The following RALGAPA1 variants were observed in gnomAD, a reference collection of about 807,000 sequenced individuals.
The protein encoded by RALGAPA1 is Ral GTPase activating protein catalytic subunit alpha 1.
RALGAPA1 carries 52 observed loss-of-function variants against 269.6 expected under a neutral mutation model. The observed-to-expected ratio is 0.19, with a 90% confidence interval of 0.15 to 0.24. The LOEUF (loss-of-function observed/expected upper bound fraction) is 0.24. Ranked by LOEUF, RALGAPA1 falls within the 10% of genes least tolerant of loss-of-function variation. The probability of loss-of-function intolerance (pLI) is 1.00; values close to 1 mark genes in which losing one functional copy is unlikely to be tolerated. For missense variants in RALGAPA1, 1,917 were observed against 3,013.9 expected, an observed-to-expected ratio of 0.64 and a Z score of 8.52; for synonymous variants, 817 against 1,008.3, an observed-to-expected ratio of 0.81 and a Z score of 3.60.
intron 10 of RALGAPA1, among the ~76,000 whole-genome samples, chr14:35,744,843 CATTAA>C (rs1444566000): frequency 6.6e-6 from 1 of 152,106 alleles, no homozygotes; most frequent in Non-Finnish European, 1.5e-5. Flanking sequence ...AAATTTAAAA[CATTAA>C]AATAGTTAAA....
At chr14:35,729,542 T>G (rs1411554810) in intron 12 of RALGAPA1, among the ~76,000 whole-genome samples, 1 of 152,160 alleles carries the variant, frequency 6.6e-6, no homozygotes, top group Non-Finnish European at 1.5e-5. Context: ...AGAGAATAAG[T>G]ATCAGCAAAC....
chr14:35,624,238 T>C (rs1297634646), intron 35 of RALGAPA1, among the ~76,000 whole-genome samples: 3 of 142,548 alleles, frequency 2.1e-5, no homozygotes, highest in African/African-American at 7.9e-5. Flanking sequence ...AGGAGTCCAG[T>C]GTTATATAGA....
Position 35,539,450 on chromosome 14 carries a change from G to A in RALGAPA1, c.*264C>T, listed in dbSNP as rs1315071474. Reference sequence around the variant, plus strand: ...CAAATAAATGTACAGGAAGAAACATGCATGTTATGGCAGACATGAAGGCCT... The same window carrying A: ...CAAATAAATGTACAGGAAGAAACATACATGTTATGGCAGACATGAAGGCCT... On this transcript the variant is annotated 3_prime_UTR_variant, in exon 42 of 42. Coordinates refer to ENST00000680220, the MANE Select transcript of RALGAPA1 (RefSeq NM_001346249.2). 1 of 1,195,482 alleles carries A rather than the reference G, an allele frequency of 8.4e-7. No homozygotes were observed. Among genetic ancestry groups the A allele is most frequent in the African/African-American group, 1.5e-5 (1 of 64,696 alleles). The allele number at this position is 1,195,482 out of a possible 1,614,324, so 74.1% of individuals were successfully genotyped here.
rs1236792766 is a variant in RALGAPA1, at chr14:35,655,932, C to A, written c.5388-17G>T. 6.2e-7 allele frequency: 1 copy of A among 1,612,560 alleles called. No homozygotes were observed. The highest frequency in any genetic ancestry group is 8.5e-7 in the Non-Finnish European group (1 of 1,179,434). ...GCTACACATCTGCAAAAAAGGCAAACAACAACGGTTACATAAAATGAAACC... is the reference window on the plus strand; with the variant it reads ...GCTACACATCTGCAAAAAAGGCAAAAAACAACGGTTACATAAAATGAAACC... On this transcript the variant is annotated splice_polypyrimidine_tract_variant and intron_variant, in intron 28 of 41. Transcript: ENST00000680220.
At chr14:35,710,357 G>A (rs1474862750) in intron 16 of RALGAPA1, among the ~76,000 whole-genome samples, 1 of 152,154 alleles carries the variant, frequency 6.6e-6, no homozygotes, top group Non-Finnish European at 1.5e-5. Context: ...TGCCTCTCGG[G>A]CTCAAGCAAT....
At chr14:35,671,933 T>C (rs1274491420) in intron 25 of RALGAPA1, among the ~76,000 whole-genome samples, 1 of 152,194 alleles carries the variant, frequency 6.6e-6, no homozygotes, top group Non-Finnish European at 1.5e-5. Context: ...ATTCTCTTTT[T>C]AAAATAAACT....
chr14:35,627,401 A>G lies in RALGAPA1; in HGVS notation c.6546T>C (p.Asp2182=), dbSNP rs553742602. 2.2e-5 allele frequency: 35 copies of G among 1,614,042 alleles called. No homozygotes were observed. The highest frequency in any genetic ancestry group is 1.6e-4 in the Middle Eastern group (1 of 6,084). ...AGAGCTCATCAAGAACATCTTCTTCATCTCTTATTGTATCCCAAGTTGGTA... is the reference window on the plus strand; with the variant it reads ...AGAGCTCATCAAGAACATCTTCTTCGTCTCTTATTGTATCCCAAGTTGGTA... The part of the protein sequence containing the change: ...ETVPTWDTIR[D]EEDVLDELLQ... The change falls in exon 34 of 42, where the codon GAT becomes GAC. Residue 2182 remains aspartate, a synonymous_variant. Transcript: ENST00000680220.
chr14:35,566,965 C>G (rs568521166), intron 39 of RALGAPA1, among the ~76,000 whole-genome samples: 1 of 150,298 alleles, frequency 6.7e-6, no homozygotes, highest in South Asian at 2.1e-4. Context: ...ATACTACTAG[C>G]CTTTGCTGCA....
intron 21 of RALGAPA1, among the ~76,000 whole-genome samples, chr14:35,679,913 A>T (rs1172292978): frequency 6.6e-6 from 1 of 152,228 alleles, no homozygotes; most frequent in African/African-American, 2.4e-5. Flanking sequence ...TATGTTACAT[A>T]GTAGGTGAAA....
intron 33 of RALGAPA1, among the ~76,000 whole-genome samples, chr14:35,631,840 A>T (rs1389294759): frequency 6.6e-6 from 1 of 152,210 alleles, no homozygotes; most frequent in Non-Finnish European, 1.5e-5. Context: ...TAAGTAACAT[A>T]GGTCTTATGA....
In RALGAPA1 at chr14:35,614,814, A is replaced by G. The variant is rs143918476; in HGVS notation, c.6930-9105T>C. On this transcript the variant is annotated intron_variant, in intron 35 of 41. Transcript: ENST00000680220. ...TCAGTGTTTTTGCTTCTTCAGGTAA[A>G]GGGCTATCAATTAGAGCTCATAAAT... Among the ~76,000 whole-genome samples, 774 of 152,262 alleles carry G rather than the reference A, an allele frequency of 5.1e-3. 3 individuals are homozygous for G. The highest frequency in any genetic ancestry group is 0.018 in the African/African-American group (739 of 41,554).
intron 39 of RALGAPA1, among the ~76,000 whole-genome samples, chr14:35,561,684 A>G (rs2056277017): frequency 6.6e-6 from 1 of 151,430 alleles, no homozygotes; most frequent in Admixed American, 6.6e-5. Context: ...AATTTTTTGT[A>G]TTTTTAGTAG....
chr14:35,606,528 T>A (rs926775284), intron 35 of RALGAPA1, among the ~76,000 whole-genome samples: 1 of 152,200 alleles, frequency 6.6e-6, no homozygotes, highest in African/African-American at 2.4e-5. Context: ...TTTACAAATA[T>A]AAAACTGTAT....
intron 31 of RALGAPA1, among the ~76,000 whole-genome samples, chr14:35,637,522 T>C (rs1005264154): frequency 2.6e-5 from 4 of 151,358 alleles, no homozygotes; most frequent in African/African-American, 9.7e-5. Context: ...AAATACACAG[T>C]CAGAGGCGAC....
chr14:35,689,232 CT>C lies in RALGAPA1; in HGVS notation c.3178del (p.Arg1060GlyfsTer12). 2 of 1,232,322 alleles carry C rather than the reference CT, an allele frequency of 1.6e-6. No individual in the cohort carries two copies. The highest frequency in any genetic ancestry group is 2.0e-6 in the Non-Finnish European group (2 of 988,168). 76.3% of individuals were successfully genotyped at this position (1,232,322 alleles called of 1,614,324 possible). On this transcript the variant is annotated frameshift_variant, in exon 18 of 42. Transcript: ENST00000680220. LOFTEE classifies it high-confidence loss of function. Reference protein sequence around the residue: ...SLDSPCDKEKRKHLYRQAATE... With the variant: ...SLDSPCDKEKXKHLYRQAATE... Reference sequence around the variant, plus strand: ...GGCTGCTTGTCTGTACAGATGTTTCCTTTTTTCTTTATCACAAGGGCTATCT... The same window carrying C: ...GGCTGCTTGTCTGTACAGATGTTTCCTTTTTCTTTATCACAAGGGCTATCT...
chr14:35,656,494 G>T (rs940392047), intron 28 of RALGAPA1, among the ~76,000 whole-genome samples: 1 of 152,132 alleles, frequency 6.6e-6, no homozygotes, highest in Non-Finnish European at 1.5e-5. Flanking sequence ...TTTCAGCTGG[G>T]TGTCAGCTTG....
At chr14:35,735,399 G>A (rs1031840889) in intron 12 of RALGAPA1, among the ~76,000 whole-genome samples, 4 of 152,138 alleles carry the variant, frequency 2.6e-5, no homozygotes, top group African/African-American at 7.2e-5. Context: ...ATGAATTAAC[G>A]GCATTTGCAG....
At chr14:35,678,254 A>G (rs2065127619) in intron 21 of RALGAPA1, 152 bp from the exon 22 acceptor site, 1 of 640,612 alleles carries the variant, frequency 1.6e-6, no homozygotes, top group African/African-American at 1.9e-5. Context: ...TCATAATATT[A>G]TACAAGCTTT....
At chr14:35,702,228 G>C (rs2067413457) in intron 16 of RALGAPA1, among the ~76,000 whole-genome samples, 1 of 152,112 alleles carries the variant, frequency 6.6e-6, no homozygotes, top group Admixed American at 6.5e-5. Context: ...ACAATTTCAG[G>C]CTGTGAAGAT....
Sources: gnomAD v4.1 joint callset for allele counts (sites outside exome capture counted in the v4.1 genomes callset) on GRCh38, gnomAD v4.1.1 for gene constraint, MANE v1.5 for transcripts, NCBI Gene and HGNC (gene_info 2026-07-23, HGNC 2026-07-21) for gene names.